Variants in IRAG2 observed in about 807,000 individuals in gnomAD.
IRAG2 encodes lymphoid restricted membrane protein.
Under a neutral mutation model 69.9 loss-of-function variants are expected in IRAG2, and 45 were observed. The ratio of observed to expected loss-of-function variants is 0.64; its 90% CI spans 0.51 to 0.83. The LOEUF (loss-of-function observed/expected upper bound fraction) is 0.83. Among genes scored for constraint, IRAG2 ranks in the 40% least tolerant of loss-of-function variants. IRAG2 has a pLI of 0.00. For missense variants in IRAG2, 520 were observed against 587.0 expected, an observed-to-expected ratio of 0.89 and a Z score of 1.18; for synonymous variants, 193 against 202.4, an observed-to-expected ratio of 0.95 and a Z score of 0.40.
At chr12:25,075,635 C>T (rs918683597) in intron 6 of IRAG2, 2 of 151,902 alleles carry the variant, frequency 1.3e-5, no homozygotes, top group African/African-American at 2.4e-5. Flanking sequence ...TTTGCTACCC[C>T]ACCCTACATT....
chr12:25,098,818 C>T (rs1239792380), intron 15 of IRAG2, among the ~76,000 whole-genome samples: 1 of 152,174 alleles, frequency 6.6e-6, no homozygotes, highest in African/African-American at 2.4e-5. Context: ...CTCCAACCCA[C>T]TCTGTATCAG....
rs1946794569 is a variant in IRAG2 at position 25,077,266 on chromosome 12, A to AATATATGAAATATATATGAAAT, written c.25-1972_25-1971insGAAATATATATGAAATATATAT. ...AAATATATATATGATATATATATGA[A>AATATATGAAATATATATGAAAT]ATATATATGAAATATATATGATATA... On this transcript the variant is annotated intron_variant, in intron 6 of 21. Transcript: ENST00000556887. Among the ~76,000 whole-genome samples the AATATATGAAATATATATGAAAT allele has an allele frequency of 1.5e-4, 5 of 32,866 alleles. 1 individual carries two copies. Among genetic ancestry groups the AATATATGAAATATATATGAAAT allele is most frequent in the East Asian group, 3.4e-3 (2 of 582 alleles). 21.6% of individuals were successfully genotyped at this position (32,866 alleles called of 152,430 possible).
Position 25,005,244 on chromosome 12 carries a change from G to A in IRAG2, c.578G>A (p.Trp193Ter). ...TACAAACTTTTTCTTCTAATAGGATGGAAACAAGAAGCTGATGATGGTAAA... is the reference window on the plus strand; with the variant it reads ...TACAAACTTTTTCTTCTAATAGGATAGAAACAAGAAGCTGATGATGGTAAA... The change falls in exon 2 of 39, where the codon TGG becomes TAG. Residue 193 changes from tryptophan (W) to a stop codon, truncating the protein, a stop_gained. Coordinates refer to the IRAG2 transcript ENST00000636465. LOFTEE classifies it high-confidence loss of function. 1 of 1,218,226 alleles carries A rather than the reference G, an allele frequency of 8.2e-7. No individual in the cohort carries two copies. Among genetic ancestry groups the A allele is most frequent in the Non-Finnish European group, 1.0e-6 (1 of 975,388 alleles). The allele number at this position is 1,218,226 out of a possible 1,614,324, so 75.5% of individuals were successfully genotyped here. A position where few individuals can be genotyped will look rare whatever the true frequency, so the allele number is the denominator to read the frequency against.
At chr12:25,023,831 T>C (rs1944601709) in intron 7 of IRAG2, 4 of 1,073,126 alleles carry the variant, frequency 3.7e-6, no homozygotes, top group South Asian at 4.7e-5. Context: ...TTCATAAACA[T>C]CTTAAATATA....
At chr12:25,106,196 A>G (rs1298007653) in intron 20 of IRAG2, among the ~76,000 whole-genome samples, 3 of 151,928 alleles carry the variant, frequency 2.0e-5, no homozygotes, top group Non-Finnish European at 4.4e-5. Flanking sequence ...AATAAAATCA[A>G]TAATAATGAG....
intron 3 of IRAG2, among the ~76,000 whole-genome samples, chr12:25,014,284 A>G (rs924258224): frequency 2.0e-5 from 3 of 152,170 alleles, no homozygotes; most frequent in African/African-American, 7.2e-5. Context: ...CATTTTTATA[A>G]CAAGTGTAAA....
chr12:25,090,834 A>G (rs1240212327), intron 14 of IRAG2: 1 of 454,922 alleles, frequency 2.2e-6, no homozygotes, highest in Non-Finnish European at 4.4e-6. Context: ...GGAATCATAC[A>G]GAAAACTGAG....
intron 15 of IRAG2, among the ~76,000 whole-genome samples, chr12:25,100,176 T>C (rs1477475153): frequency 6.6e-6 from 1 of 151,256 alleles, no homozygotes; most frequent in Non-Finnish European, 1.5e-5. Context: ...AGGATGGCTA[T>C]GGTGAAAGAA....
intron 16 of IRAG2, among the ~76,000 whole-genome samples, chr12:25,042,684 C>G (rs974693634): frequency 1.3e-5 from 2 of 151,918 alleles, no homozygotes; most frequent in African/African-American, 2.4e-5. Context: ...CCAGGATGGT[C>G]TCGATCTCTT....
chr12:25,047,333 C>G (rs1315257644), upstream of IRAG2, among the ~76,000 whole-genome samples: 1 of 152,188 alleles, frequency 6.6e-6, no homozygotes, highest in African/African-American at 2.4e-5. Context: ...CTGCATCAGT[C>G]TGAAAAGCTT....
intron 6 of IRAG2, among the ~76,000 whole-genome samples, chr12:25,019,658 C>T (rs1157078079): frequency 6.6e-6 from 1 of 152,070 alleles, no homozygotes; most frequent in Non-Finnish European, 1.5e-5. Flanking sequence ...CATGGTGGGT[C>T]AAAAGGCAGC....
intron 16 of IRAG2, among the ~76,000 whole-genome samples, chr12:25,046,879 G>A (rs1331172584): frequency 2.6e-5 from 4 of 152,074 alleles, no homozygotes; most frequent in African/African-American, 9.7e-5. Flanking sequence ...AAACAATCTT[G>A]AGAAGAAAGA....
At chr12:25,059,497 G>A (rs1470129845) in intron 1 of IRAG2, among the ~76,000 whole-genome samples, 3 of 152,172 alleles carry the variant, frequency 2.0e-5, no homozygotes, top group East Asian at 3.9e-4. Context: ...GACTACAGGT[G>A]TGTGCTACCA....
rs1203163901 is a variant in IRAG2, at chr12:25,004,567, T to C, written c.226T>C (p.Trp76Arg). The C allele has an allele frequency of 8.9e-6, 11 of 1,232,006 alleles. No individual in the cohort carries two copies. In the South Asian group the frequency reaches 1.6e-4, roughly 18 times the overall value. 76.3% of individuals were successfully genotyped at this position (1,232,006 alleles called of 1,614,324 possible). The change falls in exon 1 of 39, where the codon TGG (tryptophan) becomes CGG (arginine). Residue 76 changes from tryptophan to arginine, a missense_variant. Physicochemically the swap from Trp to Arg is moderately radical, Grantham distance 101. Transcript: ENST00000636465. The stretch of plus-strand genomic sequence containing the variant: ...TTGTGTTCCTACGCCCGGCTCTCAT[T>C]GGTCAAGTTCTGAGGAAGTCGATGC...
chr12:25,039,521 C>G (rs1022844927), intron 16 of IRAG2, among the ~76,000 whole-genome samples: 13 of 152,210 alleles, frequency 8.5e-5, no homozygotes, highest in African/African-American at 3.1e-4. Flanking sequence ...AGCTCTGCCT[C>G]CCGGGTTCAG....
chr12:25,044,958 C>G (rs139335180), intron 16 of IRAG2, among the ~76,000 whole-genome samples: 2 of 152,196 alleles, frequency 1.3e-5, no homozygotes, highest in East Asian at 3.9e-4. Context: ...GAATATACAT[C>G]TTTCTTAAAT....
chr12:25,051,667 G>A (rs1420054631), upstream of IRAG2, among the ~76,000 whole-genome samples: 1 of 152,190 alleles, frequency 6.6e-6, no homozygotes, highest in Non-Finnish European at 1.5e-5. Context: ...AGCAAAAAGA[G>A]GACTAAAGTA....
At chr12:25,035,060 G>T (rs1204239867) in intron 13 of IRAG2, among the ~76,000 whole-genome samples, 1 of 152,190 alleles carries the variant, frequency 6.6e-6, no homozygotes, top group Non-Finnish European at 1.5e-5. Flanking sequence ...AAACAGGAAG[G>T]TTATCAGCCG....
At chr12:25,090,410 T>C (rs939715420) in intron 14 of IRAG2, among the ~76,000 whole-genome samples, 9 of 148,976 alleles carry the variant, frequency 6.0e-5, no homozygotes, top group East Asian at 3.9e-4. Context: ...CCAGGTGTGA[T>C]GATGTGTGCC....
Sources: allele counts gnomAD v4.1 joint callset (sites outside exome capture counted in the v4.1 genomes callset), GRCh38; gene constraint gnomAD v4.1.1; transcripts MANE v1.5; gene names NCBI Gene and HGNC (gene_info 2026-07-23, HGNC 2026-07-21).